The following RNASE2 variants were observed in gnomAD, a reference collection of about 807,000 sequenced individuals.
The protein encoded by RNASE2 is ribonuclease A family member 2, also known as non-secretory ribonuclease.
For missense variants in RNASE2, 170 were observed against 197.9 expected, an observed-to-expected ratio of 0.86 and a Z score of 0.85; for synonymous variants, 67 against 68.9, an observed-to-expected ratio of 0.97 and a Z score of 0.13.
intron 1 of RNASE2, 46 bp downstream of exon 1, chr14:20,955,582 GGCA>G: frequency 1.4e-6 from 1 of 722,932 alleles, no homozygotes; most frequent in Non-Finnish European, 2.3e-6. Context: ...GCAGCAATGG[GGCA>G]GCAACTGAGG....
Position 20,955,906 on chromosome 14 carries a change from G to T in RNASE2, c.135G>T (p.Met45Ile), listed in dbSNP as rs143453244. 2.7e-5 allele frequency: 44 copies of T among 1,614,042 alleles called. 1 individual carries two copies. The highest frequency in any genetic ancestry group is 3.6e-5 in the Non-Finnish European group (43 of 1,180,052). Residue 45 changes from methionine to isoleucine, a missense_variant, in exon 2 of 2, where the codon ATG becomes ATT. Met to Ile is a conservative substitution (Grantham distance 10). Coordinates refer to ENST00000304625, the MANE Select transcript of RNASE2 (RefSeq NM_002934.3). ...AQWFETQHINMTSQQCTNAMQ... is the reference protein window; with the variant it reads ...AQWFETQHINITSQQCTNAMQ... ...GGTTTGAAACCCAGCACATCAATAT[G>T]ACCTCCCAGCAATGCACCAATGCAA...
chr14:20,955,528 G>T lies in RNASE2; in HGVS notation c.-14G>T, dbSNP rs945351. On this transcript the variant is annotated 5_prime_UTR_variant, in exon 1 of 2. Transcript: ENST00000304625. ...TCAGTTCTCACAGGAGCTACAGCGCGGAGACTGGGTAAGTCAACGATCCCC... is the reference window on the plus strand; with the variant it reads ...TCAGTTCTCACAGGAGCTACAGCGCTGAGACTGGGTAAGTCAACGATCCCC... The T allele has an allele frequency of 8.3e-3, 4,579 of 551,454 alleles. 151 individuals are homozygous for T. The East Asian group carries it at 0.086, about 10-fold the overall frequency. 34.2% of individuals were successfully genotyped at this position (551,454 alleles called of 1,614,324 possible).
chr14:20,955,868 A>T lies in RNASE2; in HGVS notation c.97A>T (p.Thr33Ser). 1 of 1,614,202 alleles carries T rather than the reference A, an allele frequency of 6.2e-7. No homozygotes were observed. Among genetic ancestry groups the T allele is most frequent in the African/African-American group, 1.3e-5 (1 of 75,046 alleles). The change falls in exon 2 of 2, where the codon ACC becomes TCC. Residue 33 changes from threonine (T) to serine (S), a missense_variant. Coordinates refer to ENST00000304625, the MANE Select transcript of RNASE2 (RefSeq NM_002934.3). ...ACTCCATGTCAAACCTCCACAGTTT[A>T]CCTGGGCTCAATGGTTTGAAACCCA... ...GSLHVKPPQF[T>S]WAQWFETQHI...
At chr14:20,955,668 C>T in intron 1 of RNASE2, 99 bp from the exon 2 acceptor site, 1 of 1,461,398 alleles carries the variant, frequency 6.8e-7, no homozygotes, top group Non-Finnish European at 9.2e-7. Context: ...AAATGGGACC[C>T]CAGAGTGGCC....
rs1879207428 is a variant in RNASE2 at position 20,956,347 on chromosome 14, A to G, written c.*90A>G. On this transcript the variant is annotated 3_prime_UTR_variant, in exon 2 of 2. Transcript: ENST00000304625. The stretch of plus-strand genomic sequence containing the variant: ...CATCTCTCCATATACTTTGGGTATC[A>G]GCATCTGTCCTCATCAGTCTCCATA... The G allele has an allele frequency of 1.9e-6, 3 of 1,548,778 alleles. No homozygotes were observed. In the East Asian group the frequency reaches 6.7e-5, roughly 35 times the overall value.
rs1228663661 is a variant in RNASE2, at chr14:20,955,899, T to C, written c.128T>C (p.Ile43Thr). Residue 43 changes from isoleucine (I) to threonine (T), a missense_variant, in exon 2 of 2, where the codon ATC (isoleucine) becomes ACC (threonine). Ile to Thr is a moderately conservative substitution (Grantham distance 89). Coordinates refer to ENST00000304625, the MANE Select transcript of RNASE2 (RefSeq NM_002934.3). Reference protein sequence around the residue: ...TWAQWFETQHINMTSQQCTNA... With the variant: ...TWAQWFETQHTNMTSQQCTNA... Reference sequence around the variant, plus strand: ...GCTCAATGGTTTGAAACCCAGCACATCAATATGACCTCCCAGCAATGCACC... The same window carrying C: ...GCTCAATGGTTTGAAACCCAGCACACCAATATGACCTCCCAGCAATGCACC... 4.3e-6 allele frequency: 7 copies of C among 1,614,202 alleles called. No homozygotes were observed. The South Asian group carries it at 7.7e-5, about 18-fold the overall frequency.
At position 20,955,909 on chromosome 14, in the gene RNASE2, C is replaced by T; in HGVS notation, c.138C>T (p.Thr46=). The T allele has an allele frequency of 1.2e-6, 2 of 1,614,194 alleles. No homozygotes were observed. The highest frequency in any genetic ancestry group is 1.7e-6 in the Non-Finnish European group (2 of 1,180,048). ...TTGAAACCCAGCACATCAATATGAC[C>T]TCCCAGCAATGCACCAATGCAATGC... is the stretch of plus-strand genomic sequence containing the variant. The part of the protein sequence containing the change: ...QWFETQHINM[T]SQQCTNAMQV... The change falls in exon 2 of 2, where the codon ACC becomes ACT. Residue 46 remains threonine (T), a synonymous_variant. Coordinates refer to ENST00000304625, the MANE Select transcript of RNASE2 (RefSeq NM_002934.3).
At position 20,956,134 on chromosome 14, in the gene RNASE2, A is replaced by C. The variant is rs1348875912; in HGVS notation, c.363A>C (p.Ser121=). The C allele has an allele frequency of 3.1e-6, 5 of 1,614,080 alleles. No homozygotes were observed. In the East Asian group the frequency reaches 8.9e-5, roughly 29 times the overall value. ...CAACTCCAAGTCCACAGAATATTTC[A>C]AACTGCAGGTATGCGCAGACACCAG... ...NLTTPSPQNI[S]NCRYAQTPAN... Residue 121 remains serine, a synonymous_variant, in exon 2 of 2, where the codon TCA becomes TCC. Transcript: ENST00000304625.
At chr14:20,955,679 G>T in intron 1 of RNASE2, 88 bp from the exon 2 acceptor site, 2 of 1,491,160 alleles carry the variant, frequency 1.3e-6, no homozygotes, top group South Asian at 1.4e-5. Flanking sequence ...CAGAGTGGCC[G>T]CAGAGGGGCC....
chr14:20,956,211 C>G lies in RNASE2; in HGVS notation c.440C>G (p.Pro147Arg), dbSNP rs148729197. ...ACDNRDQRRD[P>R]PQYPVVPVHL... ...GACAACAGAGATCAACGACGAGACC[C>G]TCCACAGTATCCGGTGGTTCCAGTT... The change falls in exon 2 of 2, where the codon CCT (proline) becomes CGT (arginine). Residue 147 changes from proline (P) to arginine (R), a missense_variant. By Grantham distance (103) the Pro-to-Arg change is moderately radical (BLOSUM62 -2). Coordinates refer to ENST00000304625, the MANE Select transcript of RNASE2 (RefSeq NM_002934.3). 1 of 1,614,226 alleles carries G rather than the reference C, an allele frequency of 6.2e-7. No individual in the cohort carries two copies. The highest frequency in any genetic ancestry group is 8.5e-7 in the Non-Finnish European group (1 of 1,180,040).
chr14:20,955,603 G>A, intron 1 of RNASE2, 67 bp downstream of exon 1: 2 of 869,766 alleles, frequency 2.3e-6, no homozygotes, highest in East Asian at 2.5e-5. Context: ...AGGGAGAAGA[G>A]AGCTGACGTT....
At chr14:20,955,734 C>A in intron 1 of RNASE2, 33 bp from the exon 2 acceptor site, 1 of 1,571,770 alleles carries the variant, frequency 6.4e-7, no homozygotes. Context: ...AAGACCCGAT[C>A]AGGGAGTAGT....
At chr14:20,955,671 G>A in intron 1 of RNASE2, 96 bp from the exon 2 acceptor site, 1 of 1,462,400 alleles carries the variant, frequency 6.8e-7, no homozygotes, top group South Asian at 1.4e-5. Flanking sequence ...TGGGACCCCA[G>A]AGTGGCCGCA....
rs201591809 is a variant in RNASE2 at position 20,955,801 on chromosome 14, T to C, written c.30T>C (p.Ile10=). MVPKLFTSQ[I]CLLLLLGLLA... is the part of the protein sequence containing the mutation. ...TTCCAAAACTGTTCACTTCCCAAAT[T>C]TGTCTGCTTCTTCTGTTGGGGCTTC... The change falls in exon 2 of 2, where the codon ATT becomes ATC. Residue 10 remains isoleucine (I), a synonymous_variant. Coordinates refer to ENST00000304625, the MANE Select transcript of RNASE2 (RefSeq NM_002934.3). 9.3e-6 allele frequency: 15 copies of C among 1,611,838 alleles called. No individual in the cohort carries two copies. The South Asian group carries it at 1.4e-4, about 15-fold the overall frequency.
At position 20,956,222 on chromosome 14, in the gene RNASE2, C is replaced by G. The variant is rs1399474390; in HGVS notation, c.451C>G (p.Pro151Ala). ...RDQRRDPPQY[P>A]VVPVHLDRII The stretch of plus-strand genomic sequence containing the variant: ...TCAACGACGAGACCCTCCACAGTAT[C>G]CGGTGGTTCCAGTTCACCTGGATAG... Residue 151 changes from proline (P) to alanine (A), a missense_variant, in exon 2 of 2, where the codon CCG becomes GCG. Pro to Ala is a conservative substitution (Grantham distance 27). Coordinates refer to ENST00000304625, the MANE Select transcript of RNASE2 (RefSeq NM_002934.3). 6 of 1,614,058 alleles carry G rather than the reference C, an allele frequency of 3.7e-6. No homozygotes were observed. In the African/African-American group the frequency reaches 8.0e-5, roughly 22 times the overall value.
chr14:20,955,702 C>T (rs1293522575), intron 1 of RNASE2, 65 bp from the exon 2 acceptor site: 7 of 1,538,234 alleles, frequency 4.6e-6, no homozygotes, highest in Non-Finnish European at 6.1e-6. Context: ...TGGGGTAAGA[C>T]ACTACAGTGT....
In RNASE2 at chr14:20,956,271, C is replaced by T. The variant is rs747607098; in HGVS notation, c.*14C>T. ...AGAATCATCTAAGCTCCTGTATCAG[C>T]ACTCCTCATCATCACTCATCTGCCA... On this transcript the variant is annotated 3_prime_UTR_variant, in exon 2 of 2. Transcript: ENST00000304625. 17 of 1,611,688 alleles carry T rather than the reference C, an allele frequency of 1.1e-5. No individual in the cohort carries two copies. The highest frequency in any genetic ancestry group is 1.3e-5 in the African/African-American group (1 of 74,942).
At position 20,956,387 on chromosome 14, in the gene RNASE2, C is replaced by T. The variant is rs1879208340; in HGVS notation, c.*130C>T. Reference sequence around the variant, plus strand: ...CAGTCTCCATACCCCTTCAGCTTTCCTGAGCTGAAGTGCCTTGTGAACCCT... The same window carrying T: ...CAGTCTCCATACCCCTTCAGCTTTCTTGAGCTGAAGTGCCTTGTGAACCCT... On this transcript the variant is annotated 3_prime_UTR_variant, in exon 2 of 2. Coordinates refer to ENST00000304625, the MANE Select transcript of RNASE2 (RefSeq NM_002934.3). 1 of 1,355,342 alleles carries T rather than the reference C, an allele frequency of 7.4e-7. No individual in the cohort carries two copies. The highest frequency in any genetic ancestry group is 1.0e-6 in the Non-Finnish European group (1 of 986,648). 84.0% of individuals were successfully genotyped at this position (1,355,342 alleles called of 1,614,324 possible).
Position 20,955,633 on chromosome 14 carries a change from A to G in RNASE2, c.-6+97A>G, listed in dbSNP as rs1403068326. 2.5e-6 allele frequency: 3 copies of G among 1,178,500 alleles called. No individual in the cohort carries two copies. The African/African-American group carries it at 4.7e-5, about 18-fold the overall frequency. The allele number at this position is 1,178,500 out of a possible 1,614,324, so 73.0% of individuals were successfully genotyped here. Reference sequence around the variant, plus strand: ...GACGTTAGTGCTTAGGAGACGTTGCACACTTTGCAGACAGGAAGTAAAGGA... The same window carrying G: ...GACGTTAGTGCTTAGGAGACGTTGCGCACTTTGCAGACAGGAAGTAAAGGA... On this transcript the variant is annotated intron_variant, in intron 1 of 1. Transcript: ENST00000304625.
Sources: gnomAD v4.1 joint callset for allele counts on GRCh38, gnomAD v4.1.1 for gene constraint, MANE v1.5 for transcripts, NCBI Gene and HGNC (gene_info 2026-07-23, HGNC 2026-07-21) for gene names.